The following GPHN variants were observed in gnomAD, a reference collection of about 807,000 sequenced individuals.
The protein encoded by GPHN is gephyrin.
A neutral mutation model predicts 95.5 loss-of-function variants in GPHN; 17 were observed. The observed-to-expected ratio is 0.18, with a 90% CI of 0.12 to 0.27. GPHN has a LOEUF of 0.27. Ranked by LOEUF, GPHN falls within the 10% of genes least tolerant of loss-of-function variation. The probability of loss-of-function intolerance (pLI) is 1.00; values close to 1 mark genes in which losing one functional copy is unlikely to be tolerated. For missense variants in GPHN, 660 were observed against 978.1 expected, an observed-to-expected ratio of 0.67 and a Z score of 4.34; for synonymous variants, 320 against 322.5, an observed-to-expected ratio of 0.99 and a Z score of 0.08.
chr14:67,103,511 CTTTTTTTTTTTTT>C, intron 13 of GPHN, among the ~76,000 whole-genome samples: 1 of 53,396 alleles, frequency 1.9e-5, no homozygotes, highest in African/African-American at 8.1e-5. Context: ...GTTTCTTTCT[CTTTTTTTTTTTTT>C]TTTTTTTTTT....
intron 7 of GPHN, among the ~76,000 whole-genome samples, chr14:66,923,843 G>T (rs2066342526): frequency 6.6e-6 from 1 of 151,544 alleles, no homozygotes; most frequent in Non-Finnish European, 1.5e-5. Flanking sequence ...AAATCCTTTT[G>T]AAGTGTCCAT....
At chr14:66,673,200 C>G (rs893490079) in intron 1 of GPHN, among the ~76,000 whole-genome samples, 1 of 152,140 alleles carries the variant, frequency 6.6e-6, no homozygotes, top group African/African-American at 2.4e-5. Context: ...TCAAGCGATT[C>G]TCCTGCCTCA....
At chr14:67,208,048 C>T in the GPHN span, 2 of 667,402 alleles carry the variant, frequency 3.0e-6, no homozygotes, top group South Asian at 6.7e-5. Flanking sequence ...TCCCAATGGT[C>T]GTGCCATTCT....
intron 9 of GPHN, among the ~76,000 whole-genome samples, chr14:67,011,545 G>A (rs1326565204): frequency 7.6e-6 from 1 of 132,248 alleles, no homozygotes; most frequent in East Asian, 2.2e-4. Context: ...CTGCACTGTA[G>A]CCTGGACAGT....
At chr14:67,141,797 T>C (rs928715924) in intron 17 of GPHN, among the ~76,000 whole-genome samples, 1 of 152,220 alleles carries the variant, frequency 6.6e-6, no homozygotes, top group Non-Finnish European at 1.5e-5. Context: ...CACACCTGGA[T>C]AAAAATTGAA....
intron 3 of GPHN, among the ~76,000 whole-genome samples, chr14:66,803,900 C>G (rs2060448830): frequency 6.6e-6 from 1 of 151,940 alleles, no homozygotes; most frequent in Non-Finnish European, 1.5e-5. Context: ...ATATTCTGTA[C>G]CATTTCATCC....
At chr14:67,594,016 G>T in the GPHN span, 2 of 1,066,348 alleles carry the variant, frequency 1.9e-6, no homozygotes, top group African/African-American at 1.6e-5. Flanking sequence ...TCCAGGCAAT[G>T]AGGGGAACAT....
chr14:67,263,536 A>G, the GPHN span, among the ~76,000 whole-genome samples: 13 of 152,252 alleles, frequency 8.5e-5, no homozygotes, highest in Admixed American at 5.9e-4. Context: ...TAATCTTTAA[A>G]GATTTTCCCT....
intron 17 of GPHN, among the ~76,000 whole-genome samples, chr14:67,138,716 G>T (rs1185015833): frequency 6.6e-6 from 1 of 151,908 alleles, no homozygotes; most frequent in Non-Finnish European, 1.5e-5. Flanking sequence ...GCAAATTTAT[G>T]ATGTGAATAG....
At chr14:67,362,870 G>C in the GPHN span, among the ~76,000 whole-genome samples, 1 of 152,102 alleles carries the variant, frequency 6.6e-6, no homozygotes, top group Non-Finnish European at 1.5e-5. Context: ...TCTTTACTAT[G>C]AATAACATAC....
chr14:67,614,057 T>A, the GPHN span, among the ~76,000 whole-genome samples: 1 of 152,246 alleles, frequency 6.6e-6, no homozygotes, highest in South Asian at 2.1e-4. Flanking sequence ...GGCTCCTGTT[T>A]CCTGAGTAGC....
intron 4 of GPHN, among the ~76,000 whole-genome samples, chr14:66,836,324 G>C (rs1213288034): frequency 2.6e-4 from 36 of 138,904 alleles, no homozygotes; most frequent in South Asian, 9.2e-4. Flanking sequence ...ACAAACCTGA[G>C]AAAAACAAGC....
At chr14:66,879,210 G>T (rs1330024999) in intron 4 of GPHN, among the ~76,000 whole-genome samples, 1 of 152,058 alleles carries the variant, frequency 6.6e-6, no homozygotes, top group Non-Finnish European at 1.5e-5. Context: ...CCTGTCAGGG[G>T]ATGGAGGGTT....
chr14:66,956,205 A>G (rs1017555763), intron 8 of GPHN, among the ~76,000 whole-genome samples: 1 of 151,616 alleles, frequency 6.6e-6, no homozygotes, highest in Non-Finnish European at 1.5e-5. Context: ...CTTCTTTTTA[A>G]AAGTAGATGT....
chr14:66,742,568 G>T (rs938428295), intron 2 of GPHN, among the ~76,000 whole-genome samples: 1 of 152,110 alleles, frequency 6.6e-6, no homozygotes, highest in Non-Finnish European at 1.5e-5. Context: ...AGAAGAAACG[G>T]TGACAGTTTT....
the GPHN span, chr14:67,353,031 G>GCA: frequency 6.2e-7 from 1 of 1,611,744 alleles, no homozygotes; most frequent in South Asian, 1.1e-5. Flanking sequence ...CCTTCATGAT[G>GCA]GTCTGTGCCC....
At chr14:67,159,848 C>T (rs535772184) in intron 19 of GPHN, among the ~76,000 whole-genome samples, 91 of 152,066 alleles carry the variant, frequency 6.0e-4, no homozygotes, top group Non-Finnish European at 1.2e-3. Context: ...AAGTAGGGAA[C>T]GAACCCCCAC....
intron 3 of GPHN, among the ~76,000 whole-genome samples, chr14:66,783,337 G>A (rs1003357797): frequency 3.3e-5 from 5 of 152,024 alleles, no homozygotes; most frequent in Non-Finnish European, 7.4e-5. Flanking sequence ...CAGAGCAGAT[G>A]TCACTCTGAT....
intron 5 of GPHN, among the ~76,000 whole-genome samples, chr14:66,891,870 A>G (rs2153541099): frequency 6.6e-6 from 1 of 152,280 alleles, no homozygotes; most frequent in African/African-American, 2.4e-5. Flanking sequence ...GATAACATGA[A>G]AAGATCCTCA....
Sources: gnomAD v4.1 joint callset for allele counts (sites outside exome capture counted in the v4.1 genomes callset) on GRCh38, gnomAD v4.1.1 for gene constraint, MANE v1.5 for transcripts, NCBI Gene and HGNC (gene_info 2026-07-23, HGNC 2026-07-21) for gene names.